Variants in ERG observed in about 807,000 individuals in gnomAD.
ERG encodes the protein transcriptional regulator ERG.
ERG carries 9 observed loss-of-function variants against 55.3 expected under a neutral mutation model. That is an observed-to-expected ratio of 0.16 (90% CI 0.10 to 0.28). The LOEUF is 0.28. Among genes scored for constraint, ERG ranks in the 10% least tolerant of loss-of-function variants. The probability of loss-of-function intolerance (pLI) is 1.00; values close to 1 mark genes in which losing one functional copy is unlikely to be tolerated. For synonymous variants in ERG, 223 were observed against 237.3 expected, an observed-to-expected ratio of 0.94 and a Z score of 0.55; for missense variants, 434 against 631.6, an observed-to-expected ratio of 0.69 and a Z score of 3.35.
chr21:38,397,398 G>GAC (rs994974702), intron 6 of ERG, among the ~76,000 whole-genome samples: 6 of 152,064 alleles, frequency 3.9e-5, no homozygotes, highest in African/African-American at 1.4e-4. Flanking sequence ...AAGAGATCAA[G>GAC]ACCATCCTGA....
chr21:38,513,768 AAAG>A (rs934434824), intron 2 of ERG, among the ~76,000 whole-genome samples: 2 of 152,170 alleles, frequency 1.3e-5, no homozygotes, highest in African/African-American at 4.8e-5. Context: ...AAACCCAAAG[AAAG>A]AAGAAGAAAA....
rs756534988 is a variant in ERG at position 38,383,636 on chromosome 21, G to T, written c.1207C>A (p.Pro403Thr). The change falls in exon 10 of 10, where the codon CCC becomes ACC. Residue 403 changes from proline (P) to threonine (T), a missense_variant. This residue lies in a region of ERG where 107 missense variants were observed against 126.8 expected (regional missense o/e 0.84). Transcript: ENST00000288319. This position sits in a 1 kb window ranked among gnomAD's most constrained non-coding sequence, Gnocchi z 5.7. The part of the protein sequence containing the change: ...HGIAQALQPH[P>T]PESSLYKYPS... Reference sequence around the variant, plus strand: ...TACTTGTACAGAGATGACTCCGGGGGGTGGGGCTGGAGGGCCTGGGCGATC... The same window carrying T: ...TACTTGTACAGAGATGACTCCGGGGTGTGGGGCTGGAGGGCCTGGGCGATC... 2 of 1,614,148 alleles carry T rather than the reference G, an allele frequency of 1.2e-6. No individual in the cohort carries two copies. The highest frequency in any genetic ancestry group is 2.2e-5 in the East Asian group (1 of 44,868).
chr21:38,553,906 G>A (rs2059841148), intron 2 of ERG, among the ~76,000 whole-genome samples: 1 of 151,856 alleles, frequency 6.6e-6, no homozygotes, highest in Admixed American at 6.5e-5. Context: ...GTACAGAATA[G>A]GAGAAAATAT....
In ERG at chr21:38,642,169, G is replaced by A. The variant is rs140786349; in HGVS notation, c.-150+19489C>T. ...AGATACTTCTAATGTGCTGGTAAGT[G>A]AACAAAACAGGTGCCAGCACATATA... On this transcript the variant is annotated intron_variant, in intron 1 of 10. Transcript: ENST00000398910. 2.0e-4 allele frequency among the ~76,000 whole-genome samples: 31 copies of A among 152,326 alleles called. No individual in the cohort carries two copies. In the East Asian group the frequency reaches 6.0e-3, roughly 29 times the overall value.
At chr21:38,605,875 T>C (rs2060193482) in intron 1 of ERG, among the ~76,000 whole-genome samples, 2 of 152,066 alleles carry the variant, frequency 1.3e-5, no homozygotes, top group African/African-American at 4.8e-5. Flanking sequence ...GCTAGATAGA[T>C]AAATGATAGA....
intron 1 of ERG, among the ~76,000 whole-genome samples, chr21:38,487,054 A>C (rs759161056): frequency 6.6e-5 from 10 of 151,642 alleles, no homozygotes; most frequent in Non-Finnish European, 1.2e-4. Context: ...ATATAGAGAA[A>C]CTGGGTTCTT....
chr21:38,653,750 C>T (rs2060501937), intron 1 of ERG, among the ~76,000 whole-genome samples: 1 of 152,180 alleles, frequency 6.6e-6, no homozygotes, highest in Admixed American at 6.5e-5. Flanking sequence ...AGACGTGTCC[C>T]GTGTCTTAAC....
intron 1 of ERG, among the ~76,000 whole-genome samples, chr21:38,582,378 T>C (rs1251085128): frequency 6.6e-6 from 1 of 152,222 alleles, no homozygotes; most frequent in African/African-American, 2.4e-5. Flanking sequence ...TGAATTGAAC[T>C]GTTGGACACC....
At chr21:38,442,529 T>C (rs1030251577) in intron 2 of ERG, among the ~76,000 whole-genome samples, 5 of 152,252 alleles carry the variant, frequency 3.3e-5, no homozygotes, top group Admixed American at 6.5e-5. Context: ...CCCAGTCTGC[T>C]GCGCTGAGGG....
chr21:38,522,768 A>G (rs900856297), intron 2 of ERG, among the ~76,000 whole-genome samples: 1 of 152,224 alleles, frequency 6.6e-6, no homozygotes, highest in Non-Finnish European at 1.5e-5. Flanking sequence ...ATAAAAGGAA[A>G]AAGCAAATTC....
rs1987369346 is a variant in ERG, at chr21:38,380,366, A to C, written c.*3037T>G. On this transcript the variant is annotated 3_prime_UTR_variant, in exon 10 of 10. Coordinates refer to ENST00000288319, the MANE Select transcript of ERG (RefSeq NM_182918.4). ...CTAACTGCAGCAGTCCTGACAAAGC[A>C]CTTTGTGAACCCCTCCGGGACATAA... is the stretch of plus-strand genomic sequence containing the variant. 1 of 1,060,476 alleles carries C rather than the reference A, an allele frequency of 9.4e-7. No individual in the cohort carries two copies. Among genetic ancestry groups the C allele is most frequent in the African/African-American group, 1.6e-5 (1 of 60,772 alleles). The allele number at this position is 1,060,476 out of a possible 1,614,324, so 65.7% of individuals were successfully genotyped here.
intron 2 of ERG, among the ~76,000 whole-genome samples, chr21:38,536,988 A>G (rs1489133925): frequency 6.6e-6 from 1 of 152,216 alleles, no homozygotes; most frequent in Non-Finnish European, 1.5e-5. Context: ...AGACTTCAGA[A>G]ATAAACTATT....
At chr21:38,639,992 C>A (rs456457) in intron 1 of ERG, among the ~76,000 whole-genome samples, 1 of 151,862 alleles carries the variant, frequency 6.6e-6, no homozygotes, top group Non-Finnish European at 1.5e-5. Flanking sequence ...GCACCCTCCC[C>A]CACAACAAAA....
chr21:38,622,834 C>T (rs1409748964), intron 1 of ERG, among the ~76,000 whole-genome samples: 1 of 147,654 alleles, frequency 6.8e-6, no homozygotes. Context: ...ACATACACAC[C>T]ATGTGCTCAT....
intron 6 of ERG, chr21:38,395,377 G>T (rs1278331117): frequency 4.4e-6 from 1 of 225,478 alleles, no homozygotes; most frequent in Non-Finnish European, 8.8e-6. Context: ...ATGTATCTTT[G>T]CTATGTGTCC....
intron 1 of ERG, among the ~76,000 whole-genome samples, chr21:38,631,957 C>T (rs1453951888): frequency 1.3e-5 from 2 of 152,076 alleles, no homozygotes; most frequent in East Asian, 1.9e-4. Flanking sequence ...TCCAGAAAGT[C>T]GTTGCTCAAG....
chr21:38,561,801 A>T (rs183631500), intron 2 of ERG, among the ~76,000 whole-genome samples: 76 of 152,330 alleles, frequency 5.0e-4, no homozygotes, highest in African/African-American at 1.7e-3. Flanking sequence ...TACAGCATAC[A>T]GCAGAGTTAA....
At chr21:38,635,414 T>C (rs1009320780) in intron 1 of ERG, among the ~76,000 whole-genome samples, 8 of 151,918 alleles carry the variant, frequency 5.3e-5, no homozygotes, top group Admixed American at 2.0e-4. Flanking sequence ...TTGTAACAAA[T>C]ATAACACACT....
chr21:38,512,999 C>T (rs1234580824), intron 2 of ERG, among the ~76,000 whole-genome samples: 1 of 151,798 alleles, frequency 6.6e-6, no homozygotes, highest in Non-Finnish European at 1.5e-5. Context: ...GGCATGGTGG[C>T]GTGTGCCTGT....
Sources: gnomAD v4.1 joint callset for allele counts (sites outside exome capture counted in the v4.1 genomes callset) on GRCh38, gnomAD v4.1.1 for gene constraint, gnomAD v4.1.1 regional missense constraint, Gnocchi (gnomAD v3.1) non-coding constraint, MANE v1.5 for transcripts, NCBI Gene and HGNC (gene_info 2026-07-23, HGNC 2026-07-21) for gene names.